Variants in TYW1B observed in about 807,000 individuals in gnomAD.
TYW1B encodes the protein tRNA-yW synthesizing protein 1 homolog B.
A neutral mutation model predicts 86.9 loss-of-function variants in TYW1B; 73 were observed. The observed-to-expected ratio is 0.84, with a 90% CI of 0.70 to 1.02. The LOEUF is 1.02. TYW1B is among the 50% of genes least tolerant of loss of function. The pLI, the probability that TYW1B is intolerant of heterozygous loss-of-function variation, is 0.00. For missense variants in TYW1B, 637 were observed against 827.4 expected, an observed-to-expected ratio of 0.77 and a Z score of 2.82; for synonymous variants, 248 against 292.8, an observed-to-expected ratio of 0.85 and a Z score of 1.56.
At chr7:72,629,997 G>A (rs183992274) in intron 11 of TYW1B, among the ~76,000 whole-genome samples, 1 of 152,292 alleles carries the variant, frequency 6.6e-6, no homozygotes, top group Admixed American at 6.5e-5. Flanking sequence ...AATGGCTTAA[G>A]GCCAGGTGTG....
chr7:72,666,357 C>T (rs558168521), intron 11 of TYW1B, among the ~76,000 whole-genome samples: 4 of 152,202 alleles, frequency 2.6e-5, no homozygotes, highest in South Asian at 2.1e-4. Flanking sequence ...GCCCAGGAGG[C>T]GGAGGCTGCA....
At chr7:72,611,089 G>A (rs1811922739) in intron 13 of TYW1B, among the ~76,000 whole-genome samples, 1 of 151,974 alleles carries the variant, frequency 6.6e-6, no homozygotes, top group African/African-American at 2.4e-5. Flanking sequence ...TTGGACCTCT[G>A]CTTGTTCTGT....
At chr7:72,763,487 T>C (rs1484820362) in intron 7 of TYW1B, among the ~76,000 whole-genome samples, 4 of 152,016 alleles carry the variant, frequency 2.6e-5, no homozygotes, top group African/African-American at 9.7e-5. Context: ...TTTCACCATG[T>C]TGGCCAGGCT....
rs1812523869 is a variant in TYW1B, at chr7:72,632,330, TATACACG to T, written c.1507-3340_1507-3334del. 4.2e-5 allele frequency among the ~76,000 whole-genome samples: 5 copies of T among 119,658 alleles called. No homozygotes were observed. The South Asian group carries it at 1.2e-3, about 30-fold the overall frequency. The allele number at this position is 119,658 out of a possible 152,430, so 78.5% of individuals were successfully genotyped here. On this transcript the variant is annotated intron_variant, in intron 11 of 13. Transcript: ENST00000620995. The stretch of plus-strand genomic sequence containing the variant: ...ATATATATTATATATATTATATATA[TATACACG>T]TATATATATTATATATATTATATAT...
intron 6 of TYW1B, among the ~76,000 whole-genome samples, chr7:72,789,277 G>C (rs1334537330): frequency 1.3e-5 from 2 of 152,144 alleles, no homozygotes; most frequent in Admixed American, 6.6e-5. Flanking sequence ...GGGACTACAT[G>C]CATGTGCCAC....
intron 7 of TYW1B, among the ~76,000 whole-genome samples, chr7:72,769,834 G>A (rs777712351): frequency 1.3e-5 from 2 of 152,192 alleles, no homozygotes; most frequent in Non-Finnish European, 2.9e-5. Flanking sequence ...CACTTTGGGA[G>A]GCTGAGGCAT....
chr7:72,655,217 G>T (rs577662925), intron 11 of TYW1B, among the ~76,000 whole-genome samples: 7 of 152,236 alleles, frequency 4.6e-5, no homozygotes, highest in South Asian at 4.1e-4. Context: ...GAGGGGAAAG[G>T]TAAGTGAGAG....
chr7:72,661,406 G>A (rs1380276438), intron 11 of TYW1B, among the ~76,000 whole-genome samples: 2 of 151,486 alleles, frequency 1.3e-5, no homozygotes, highest in African/African-American at 4.8e-5. Flanking sequence ...GGGTCAGACA[G>A]GGGGGAAAAA....
chr7:72,759,742 A>AGT (rs1787656234), intron 7 of TYW1B, among the ~76,000 whole-genome samples: 1 of 152,340 alleles, frequency 6.6e-6, no homozygotes, highest in Admixed American at 6.5e-5. Context: ...AAAAAGAGAG[A>AGT]GAGAAGTCTT....
At chr7:72,663,907 T>C (rs1262352772) in intron 11 of TYW1B, among the ~76,000 whole-genome samples, 2 of 151,736 alleles carry the variant, frequency 1.3e-5, no homozygotes, top group African/African-American at 4.8e-5. Flanking sequence ...TACACATATA[T>C]CACAATAACT....
intron 11 of TYW1B, among the ~76,000 whole-genome samples, chr7:72,638,821 T>C (rs1264267950): frequency 5.9e-5 from 9 of 152,218 alleles, no homozygotes; most frequent in Non-Finnish European, 1.2e-4. Flanking sequence ...TAGGGAACAG[T>C]ACAGCAACAA....
intron 9 of TYW1B, among the ~76,000 whole-genome samples, chr7:72,716,288 C>A (rs1319639628): frequency 1.3e-5 from 2 of 152,194 alleles, no homozygotes; most frequent in African/African-American, 2.4e-5. Flanking sequence ...TGGTAAGTAC[C>A]TTGAAGAATT....
intron 7 of TYW1B, among the ~76,000 whole-genome samples, chr7:72,761,517 G>A (rs530221283): frequency 6.6e-6 from 1 of 151,864 alleles, no homozygotes; most frequent in Non-Finnish European, 1.5e-5. Flanking sequence ...CTTGAGGCCA[G>A]GAGTTTGAGG....
chr7:72,785,271 TATTA>T (rs1362449304), intron 6 of TYW1B, among the ~76,000 whole-genome samples: 2 of 149,102 alleles, frequency 1.3e-5, no homozygotes, highest in East Asian at 3.9e-4. Flanking sequence ...ATAAGTTAAT[TATTA>T]ATTATTATAG....
At chr7:72,745,297 T>G (rs1787375504) in intron 7 of TYW1B, among the ~76,000 whole-genome samples, 2 of 152,164 alleles carry the variant, frequency 1.3e-5, no homozygotes, top group Admixed American at 1.3e-4. Context: ...ATGCTAAGAT[T>G]ACAGTTGTGA....
chr7:72,807,804 T>C (rs1184771001), intron 4 of TYW1B, among the ~76,000 whole-genome samples: 2 of 152,182 alleles, frequency 1.3e-5, no homozygotes, highest in African/African-American at 4.8e-5. Context: ...AGTAATTTAT[T>C]TCACTGTGAT....
chr7:72,764,484 T>C (rs1787739591), intron 7 of TYW1B, among the ~76,000 whole-genome samples: 1 of 152,154 alleles, frequency 6.6e-6, no homozygotes, highest in Admixed American at 6.6e-5. Flanking sequence ...GGTTTCACCA[T>C]ATTGGCCGGG....
chr7:72,722,832 T>C lies in TYW1B; in HGVS notation c.1192+5990A>G, dbSNP rs1291228757. The C allele has an allele frequency of 9.6e-6, 5 of 522,822 alleles. No homozygotes were observed. In the East Asian group the frequency reaches 1.1e-4, roughly 12 times the overall value. The allele number at this position is 522,822 out of a possible 1,614,324, so 32.4% of individuals were successfully genotyped here. A position where few individuals can be genotyped will look rare whatever the true frequency, so the allele number is the denominator to read the frequency against. On this transcript the variant is annotated intron_variant, in intron 9 of 13. Transcript: ENST00000620995. ...TTTGTCATGGGGTGGGAACTCACAC[T>C]AGAAAGCAAAGGACTCTCCAAGCCA...
chr7:72,673,665 G>T (rs574934371), intron 11 of TYW1B, among the ~76,000 whole-genome samples: 15 of 152,150 alleles, frequency 9.9e-5, no homozygotes, highest in Admixed American at 7.9e-4. Flanking sequence ...TAGAAAAAAT[G>T]AATAAGACCT....
Sources: allele counts gnomAD v4.1 joint callset (sites outside exome capture counted in the v4.1 genomes callset), GRCh38; gene constraint gnomAD v4.1.1; transcripts MANE v1.5; gene names NCBI Gene and HGNC (gene_info 2026-07-23, HGNC 2026-07-21).